The following NFIC variants were observed in gnomAD, a reference collection of about 807,000 sequenced individuals.
NFIC encodes nuclear factor I C.
A neutral mutation model predicts 54.4 loss-of-function variants in NFIC; 12 were observed. The observed-to-expected ratio is 0.22, with a 90% CI of 0.14 to 0.36. The LOEUF (loss-of-function observed/expected upper bound fraction) is 0.36, where lower values mean the gene tolerates loss of function less well. NFIC is among the 10% of genes least tolerant of loss of function. The probability of loss-of-function intolerance (pLI) is 1.00; values close to 1 mark genes in which losing one functional copy is unlikely to be tolerated. For synonymous variants in NFIC, 322 were observed against 319.2 expected (o/e 1.01, Z -0.09); for missense variants, 575 against 718.2 (o/e 0.80, Z 2.28).
At chr19:3,435,309 G>A (rs1175334605) in intron 6 of NFIC, 102 bp downstream of exon 6, 10 of 1,424,738 alleles carry the variant, frequency 7.0e-6, no homozygotes, top group Non-Finnish European at 9.3e-6. Context: ...GGGGCAGGAA[G>A]CCGGCCTGGA....
At chr19:3,444,704 G>C (rs944840973) in intron 6 of NFIC, among the ~76,000 whole-genome samples, 4 of 152,232 alleles carry the variant, frequency 2.6e-5, no homozygotes, top group African/African-American at 4.8e-5. Flanking sequence ...TTTCCATCCA[G>C]GACAAGCGGT....
intron 2 of NFIC, among the ~76,000 whole-genome samples, chr19:3,406,334 T>G (rs952222734): frequency 2.4e-5 from 3 of 126,274 alleles, no homozygotes; most frequent in African/African-American, 9.1e-5. Flanking sequence ...CCTCAAGTGA[T>G]CCGCCTGCCT....
intron 7 of NFIC, among the ~76,000 whole-genome samples, chr19:3,450,516 G>A (rs1297403159): frequency 6.6e-6 from 1 of 151,814 alleles, no homozygotes; most frequent in East Asian, 1.9e-4. Context: ...TTAGCTCGGT[G>A]TGGTGATGCA....
At chr19:3,407,901 C>T (rs1338671861) in intron 2 of NFIC, among the ~76,000 whole-genome samples, 1 of 152,132 alleles carries the variant, frequency 6.6e-6, no homozygotes, top group Non-Finnish European at 1.5e-5. Flanking sequence ...GAAGACGGCA[C>T]AGCAGGAGCT....
chr19:3,409,586 C>T (rs2081717053), intron 2 of NFIC, among the ~76,000 whole-genome samples: 1 of 152,182 alleles, frequency 6.6e-6, no homozygotes, highest in African/African-American at 2.4e-5. Context: ...CTCCCAGTCA[C>T]CAACGGCGGA....
intron 7 of NFIC, 28 bp downstream of exon 7, chr19:3,449,167 G>A (rs754865995): frequency 2.4e-5 from 39 of 1,600,968 alleles, no homozygotes; most frequent in Non-Finnish European, 3.3e-5. Flanking sequence ...CTGGCGGGGA[G>A]GGGCGGCGGG....
rs758013509 is a variant in NFIC at position 3,433,469 on chromosome 19, G to A, written c.635-49G>A. 7 of 1,601,280 alleles carry A rather than the reference G, an allele frequency of 4.4e-6. No homozygotes were observed. In the Admixed American group the frequency reaches 5.0e-5, roughly 11 times the overall value. On this transcript the variant is annotated intron_variant, in intron 3 of 10. Coordinates refer to ENST00000443272, the MANE Select transcript of NFIC (RefSeq NM_001245002.2). ...CAGGCAGCCCTGGAGTGTGGGGAAG[G>A]GAAACAGGCCCAGCTCAGCCTACTG...
At chr19:3,391,665 C>T (rs200499738) in intron 2 of NFIC, among the ~76,000 whole-genome samples, 1 of 152,098 alleles carries the variant, frequency 6.6e-6, no homozygotes, top group Non-Finnish European at 1.5e-5. Flanking sequence ...GGCATGGTGG[C>T]GCGTGCCTGT....
At chr19:3,360,355 C>A (rs1228908838) in intron 1 of NFIC, among the ~76,000 whole-genome samples, 2 of 150,110 alleles carry the variant, frequency 1.3e-5, no homozygotes, top group African/African-American at 4.9e-5. Flanking sequence ...GCCCCGCTGC[C>A]GCGCGCGCGG....
At chr19:3,436,867 G>C (rs1226933810) in intron 6 of NFIC, among the ~76,000 whole-genome samples, 1 of 152,128 alleles carries the variant, frequency 6.6e-6, no homozygotes, top group South Asian at 2.1e-4. Context: ...AGCCCTGCCC[G>C]TGTCTAGCTC....
intron 5 of NFIC, 44 bp from the exon 6 acceptor site, chr19:3,435,039 G>A (rs1358524163): frequency 2.0e-6 from 3 of 1,518,034 alleles, no homozygotes; most frequent in East Asian, 2.5e-5. Flanking sequence ...CCCCCGCCCC[G>A]CGTCTCCCTG....
chr19:3,455,062 G>A (rs937399091), intron 9 of NFIC, among the ~76,000 whole-genome samples: 2 of 152,192 alleles, frequency 1.3e-5, no homozygotes, highest in African/African-American at 2.4e-5. Context: ...CAATTCACAG[G>A]GCAGTGGGGG....
chr19:3,456,447 C>G, intron 9 of NFIC, 103 bp from the exon 10 acceptor site: 5 of 1,128,768 alleles, frequency 4.4e-6, no homozygotes, highest in Non-Finnish European at 6.4e-6. Context: ...TGCAGAGGCC[C>G]GGCTGTGTGA....
At chr19:3,379,665 A>C (rs1002455314) in intron 1 of NFIC, among the ~76,000 whole-genome samples, 41 of 83,662 alleles carry the variant, frequency 4.9e-4, no homozygotes, top group South Asian at 2.3e-3. Flanking sequence ...ATTTTTTTTT[A>C]TTTCTTTCTT....
intron 7 of NFIC, 145 bp downstream of exon 7, chr19:3,449,284 G>A (rs2082420736): frequency 2.3e-6 from 3 of 1,315,068 alleles, no homozygotes; most frequent in African/African-American, 1.5e-5. Context: ...AGGTGCCGTA[G>A]TGGAGAGCGC....
chr19:3,435,917 C>T (rs1457202069), intron 6 of NFIC, among the ~76,000 whole-genome samples: 28 of 152,068 alleles, frequency 1.8e-4, no homozygotes. Context: ...GCCTCCACCT[C>T]CCTGGTTCAA....
intron 9 of NFIC, among the ~76,000 whole-genome samples, chr19:3,455,774 C>G (rs919260716): frequency 5.9e-5 from 9 of 152,160 alleles, no homozygotes; most frequent in African/African-American, 2.2e-4. Context: ...AGTATCCACT[C>G]AGGGCTCAAC....
At chr19:3,385,076 G>A (rs1443444519) in intron 2 of NFIC, among the ~76,000 whole-genome samples, 1 of 138,932 alleles carries the variant, frequency 7.2e-6, no homozygotes, top group Non-Finnish European at 1.5e-5. Flanking sequence ...AGGTCAGGTT[G>A]GCCTCTCTGA....
intron 2 of NFIC, among the ~76,000 whole-genome samples, chr19:3,394,718 G>T (rs1047450152): frequency 6.6e-6 from 1 of 151,834 alleles, no homozygotes; most frequent in Non-Finnish European, 1.5e-5. Context: ...CAGGAGTTGA[G>T]CTTAGGGCAA....
Sources: allele counts gnomAD v4.1 joint callset (sites outside exome capture counted in the v4.1 genomes callset), GRCh38; gene constraint gnomAD v4.1.1; transcripts MANE v1.5; gene names NCBI Gene and HGNC (gene_info 2026-07-23, HGNC 2026-07-21).